The following ADGRL3 variants were observed in gnomAD, a reference collection of about 807,000 sequenced individuals.
ADGRL3 encodes calcium-independent alpha-latrotoxin receptor 3.
ADGRL3 carries 62 observed loss-of-function variants against 153.5 expected under a neutral mutation model. That is an observed-to-expected ratio of 0.40 (90% CI 0.33 to 0.50). The LOEUF is 0.50. Ranked by LOEUF, ADGRL3 falls within the 20% of genes least tolerant of loss-of-function variation. The probability of loss-of-function intolerance (pLI) is 0.47; values close to 1 mark genes in which losing one functional copy is unlikely to be tolerated. For synonymous variants in ADGRL3, 710 were observed against 672.5 expected (o/e 1.06, Z -0.86); for missense variants, 1,641 against 1,859.4 (o/e 0.88, Z 2.16).
intron 5 of ADGRL3, among the ~76,000 whole-genome samples, chr4:61,670,378 T>G (rs115358588): frequency 0.022 from 3,403 of 152,256 alleles, 56 homozygotes; most frequent in Middle Eastern, 0.051. Context: ...ATATGTCTAT[T>G]ATGTGAGAAT....
chr4:61,874,524 A>G (rs2098462847), intron 9 of ADGRL3, among the ~76,000 whole-genome samples: 1 of 151,992 alleles, frequency 6.6e-6, no homozygotes, highest in Non-Finnish European at 1.5e-5. Flanking sequence ...AGCTGTGAAT[A>G]TCAGCAAGAG....
intron 13 of ADGRL3, among the ~76,000 whole-genome samples, chr4:61,913,419 A>G (rs932593427): frequency 6.6e-6 from 1 of 152,146 alleles, no homozygotes; most frequent in East Asian, 1.9e-4. Context: ...ATAAGAAATG[A>G]AGGAAAGAAA....
intron 2 of ADGRL3, among the ~76,000 whole-genome samples, chr4:61,389,213 A>G (rs1392311196): frequency 6.6e-6 from 1 of 152,146 alleles, no homozygotes; most frequent in Admixed American, 6.5e-5. Flanking sequence ...CCAGTTTAAC[A>G]CAACAACAAT....
intron 5 of ADGRL3, among the ~76,000 whole-genome samples, chr4:61,626,716 A>G (rs1346940041): frequency 2.0e-5 from 3 of 152,122 alleles, no homozygotes; most frequent in Non-Finnish European, 4.4e-5. Context: ...AAGTTCAGTA[A>G]CAGCTTTTAT....
intron 8 of ADGRL3, among the ~76,000 whole-genome samples, chr4:61,770,417 A>G (rs1258619562): frequency 6.6e-6 from 1 of 152,198 alleles, no homozygotes; most frequent in Non-Finnish European, 1.5e-5. Flanking sequence ...TAGAGAGGAC[A>G]GGGTCAAATA....
chr4:61,968,827 A>G (rs2099016230), intron 17 of ADGRL3, among the ~76,000 whole-genome samples: 1 of 152,184 alleles, frequency 6.6e-6, no homozygotes, highest in African/African-American at 2.4e-5. Flanking sequence ...TCCAACATTT[A>G]CATTTGCACA....
At chr4:61,556,489 A>G (rs191000980) in intron 4 of ADGRL3, among the ~76,000 whole-genome samples, 2 of 152,254 alleles carry the variant, frequency 1.3e-5, no homozygotes, top group East Asian at 3.9e-4. Context: ...TTGGACCTGC[A>G]GAAAATGAGA....
chr4:61,642,364 T>C (rs1052348617), intron 5 of ADGRL3, among the ~76,000 whole-genome samples: 10 of 152,206 alleles, frequency 6.6e-5, no homozygotes, highest in Admixed American at 3.3e-4. Flanking sequence ...TCCTTGCCCA[T>C]GCCTATGTCC....
At chr4:61,998,118 T>G in intron 20 of ADGRL3, 56 bp from the exon 21 acceptor site, 1 of 825,764 alleles carries the variant, frequency 1.2e-6, no homozygotes, top group Non-Finnish European at 1.9e-6. Flanking sequence ...GAGAATAAAT[T>G]TGCTTTTTTG....
intron 1 of ADGRL3, among the ~76,000 whole-genome samples, chr4:61,283,722 TTAAA>T (rs1172590090): frequency 6.6e-6 from 1 of 151,992 alleles, no homozygotes; most frequent in Non-Finnish European, 1.5e-5. Flanking sequence ...TACTGTGTTA[TTAAA>T]TAACTCTCAG....
At chr4:61,726,210 G>GATTTTTTTTTTTTTTTTTTTTTT (rs2096336242) in intron 6 of ADGRL3, among the ~76,000 whole-genome samples, 2 of 118,480 alleles carry the variant, frequency 1.7e-5, no homozygotes, top group Non-Finnish European at 3.4e-5. Flanking sequence ...TTTTTTTTTT[G>GATTTTTTTTTTTTTTTTTTTTTT]TTTTTTGAGA....
chr4:61,374,269 G>T (rs1469127967), intron 1 of ADGRL3, among the ~76,000 whole-genome samples: 1 of 152,052 alleles, frequency 6.6e-6, no homozygotes, highest in African/African-American at 2.4e-5. Context: ...CAGAGCTTTA[G>T]GTATTTCTTC....
At chr4:61,219,942 T>C (rs1206963517) in intron 1 of ADGRL3, among the ~76,000 whole-genome samples, 2 of 151,952 alleles carry the variant, frequency 1.3e-5, no homozygotes, top group Non-Finnish European at 2.9e-5. Context: ...ACCCCGCCTC[T>C]ACTAAAAATG....
At chr4:61,479,854 A>G (rs1296741238) in intron 2 of ADGRL3, among the ~76,000 whole-genome samples, 1 of 152,136 alleles carries the variant, frequency 6.6e-6, no homozygotes, top group Non-Finnish European at 1.5e-5. Flanking sequence ...TATCAATTTA[A>G]TTTTTAAAAC....
At chr4:61,482,929 T>G (rs2098146826) in intron 2 of ADGRL3, among the ~76,000 whole-genome samples, 1 of 152,170 alleles carries the variant, frequency 6.6e-6, no homozygotes, top group African/African-American at 2.4e-5. Flanking sequence ...TCTTGCAACC[T>G]AATGGGAAAT....
At chr4:61,854,461 A>G (rs1322167143) in intron 9 of ADGRL3, among the ~76,000 whole-genome samples, 1 of 152,226 alleles carries the variant, frequency 6.6e-6, no homozygotes, top group Non-Finnish European at 1.5e-5. Flanking sequence ...CTCTCATGAA[A>G]AAGCTGAAAA....
intron 8 of ADGRL3, among the ~76,000 whole-genome samples, chr4:61,749,366 A>T (rs962901553): frequency 4.6e-5 from 7 of 152,170 alleles, no homozygotes; most frequent in African/African-American, 1.7e-4. Flanking sequence ...CTGGGTATAT[A>T]CCCAAAGGAC....
intron 9 of ADGRL3, among the ~76,000 whole-genome samples, chr4:61,869,126 A>T (rs1050793418): frequency 6.6e-6 from 1 of 151,650 alleles, no homozygotes; most frequent in African/African-American, 2.4e-5. Flanking sequence ...TGTACTTTTT[A>T]TACAAAGGGG....
intron 1 of ADGRL3, among the ~76,000 whole-genome samples, chr4:61,365,785 C>T (rs1179999219): frequency 6.6e-6 from 1 of 152,222 alleles, no homozygotes; most frequent in South Asian, 2.1e-4. Flanking sequence ...TTCTTATTAT[C>T]TCTCTCTCAC....
Sources: gnomAD v4.1 joint callset for allele counts (sites outside exome capture counted in the v4.1 genomes callset) on GRCh38, gnomAD v4.1.1 for gene constraint, MANE v1.5 for transcripts, NCBI Gene and HGNC (gene_info 2026-07-23, HGNC 2026-07-21) for gene names.